The following TGFB1 variants were observed in gnomAD, a reference collection of about 807,000 sequenced individuals.
TGFB1 encodes the protein transforming growth factor beta-1 proprotein.
Under a neutral mutation model 43.8 loss-of-function variants are expected in TGFB1, and 19 were observed. That is an observed-to-expected ratio of 0.43 (90% CI 0.30 to 0.64). The LOEUF (loss-of-function observed/expected upper bound fraction) is 0.64. Ranked by LOEUF, TGFB1 falls within the 30% of genes least tolerant of loss-of-function variation. TGFB1 has a pLI of 0.11. For missense variants in TGFB1, 445 were observed against 529.8 expected, an observed-to-expected ratio of 0.84 and a Z score of 1.57; for synonymous variants, 221 against 236.3, an observed-to-expected ratio of 0.94 and a Z score of 0.60.
At chr19:41,333,316 G>A (rs902450790) in intron 5 of TGFB1, among the ~76,000 whole-genome samples, 1 of 145,660 alleles carries the variant, frequency 6.9e-6, no homozygotes, top group Admixed American at 7.1e-5. Context: ...AGGTTCAAGC[G>A]ATTCTCCTGC....
intron 1 of TGFB1, among the ~76,000 whole-genome samples, chr19:41,350,657 G>A (rs889293404): frequency 2.6e-5 from 4 of 152,198 alleles, no homozygotes; most frequent in African/African-American, 9.7e-5. Flanking sequence ...TGAGGGAACA[G>A]GCCATGAACT....
intron 5 of TGFB1, among the ~76,000 whole-genome samples, chr19:41,337,186 G>A (rs566234390): frequency 2.1e-4 from 32 of 152,096 alleles, no homozygotes; most frequent in African/African-American, 7.2e-4. Flanking sequence ...TTGTTGCCCA[G>A]GCTGGAGTGC....
intron 5 of TGFB1, among the ~76,000 whole-genome samples, chr19:41,333,003 C>T (rs577010016): frequency 1.1e-3 from 164 of 152,026 alleles, no homozygotes; most frequent in Non-Finnish European, 2.0e-3. Flanking sequence ...AAGTCCTCAC[C>T]GTGAGCCACA....
Position 41,332,229 on chromosome 19 carries a change from C to T in TGFB1, c.913G>A (p.Asp305Asn). Residue 305 changes from aspartate (D) to asparagine (N), a missense_variant, in exon 6 of 7, where the codon GAC (aspartate) becomes AAC (asparagine). Asp to Asn is a conservative substitution (Grantham distance 23). Transcript: ENST00000221930. ...TCGTGGATCCACTTCCAGCCGAGGT[C>T]CTTGCGGAAGTCAATGTACAGCTGC... ...VRQLYIDFRK[D>N]LGWKWIHEPK... 1.2e-6 allele frequency: 2 copies of T among 1,614,168 alleles called. No individual in the cohort carries two copies. Among genetic ancestry groups the T allele is most frequent in the Non-Finnish European group, 1.7e-6 (2 of 1,180,022 alleles).
intron 5 of TGFB1, among the ~76,000 whole-genome samples, chr19:41,339,805 C>T (rs1317974704): frequency 6.6e-6 from 1 of 152,098 alleles, no homozygotes; most frequent in Admixed American, 6.6e-5. Flanking sequence ...GCCTGGGCAA[C>T]AGAGCGAGAC....
At chr19:41,332,769 T>A (rs2037947661) in intron 5 of TGFB1, among the ~76,000 whole-genome samples, 1 of 152,152 alleles carries the variant, frequency 6.6e-6, no homozygotes, top group Non-Finnish European at 1.5e-5. Flanking sequence ...TTTGGGAGGA[T>A]GAAGTGGGAG....
At chr19:41,338,215 C>T (rs1314266585) in intron 5 of TGFB1, among the ~76,000 whole-genome samples, 1 of 149,890 alleles carries the variant, frequency 6.7e-6, no homozygotes, top group Non-Finnish European at 1.5e-5. Flanking sequence ...AAGAATACGG[C>T]CGGGTGCGTG....
At chr19:41,344,637 C>A (rs1364853983) in intron 3 of TGFB1, 110 bp downstream of exon 3, 1 of 1,008,094 alleles carries the variant, frequency 9.9e-7, no homozygotes, top group Non-Finnish European at 1.6e-6. Context: ...GGTCTCAGCA[C>A]TTTCACACCA....
intron 3 of TGFB1, 77 bp downstream of exon 3, chr19:41,344,670 A>T: frequency 1.5e-6 from 2 of 1,370,534 alleles, no homozygotes; most frequent in Non-Finnish European, 2.1e-6. Flanking sequence ...GAGGGGTCCT[A>T]GGCAAAGTGA....
chr19:41,344,747 C>T lies in TGFB1; in HGVS notation c.634G>A (p.Gly212Arg), dbSNP rs200611791. The T allele has an allele frequency of 1.9e-6, 3 of 1,613,750 alleles. No individual in the cohort carries two copies. Among genetic ancestry groups the T allele is most frequent in the East Asian group, 2.2e-5 (1 of 44,884 alleles). The change falls in exon 3 of 7, where the codon GGG (glycine) becomes AGG (arginine). Residue 212 changes from glycine to arginine, a missense_variant and splice_region_variant. By Grantham distance (125) the Gly-to-Arg change is moderately radical. Coordinates refer to ENST00000221930, the MANE Select transcript of TGFB1 (RefSeq NM_000660.7). Reference protein sequence around the residue: ...GVVRQWLSRGGEIEGFRLSAH... With the variant: ...GVVRQWLSRGREIEGFRLSAH... The stretch of plus-strand genomic sequence containing the variant: ...GGTGGGACACACAAGTAATCCTCAC[C>T]TCCACGGCTCAACCACTGCCGCACA...
At chr19:41,331,796 C>G (rs1294693002) in intron 6 of TGFB1, among the ~76,000 whole-genome samples, 1 of 151,606 alleles carries the variant, frequency 6.6e-6, no homozygotes, top group Non-Finnish European at 1.5e-5. Flanking sequence ...CTTGGCCTAA[C>G]TCTGTGTCTG....
At chr19:41,342,426 C>T (rs1364618091) in intron 3 of TGFB1, among the ~76,000 whole-genome samples, 179 bp from the exon 4 acceptor site, 4 of 144,670 alleles carry the variant, frequency 2.8e-5, no homozygotes, top group African/African-American at 5.1e-5. Context: ...GACAAGGTCT[C>T]GCAGCCTCAA....
Position 41,339,669 on chromosome 19 carries a change from C to T in TGFB1, c.860+2214G>A, listed in dbSNP as rs11466341. Reference sequence around the variant, plus strand: ...GAAACCCAGTGTCTACTAAAAAAACCAAAAATTAGCCGGGTGTGGTGGCAC... The same window carrying T: ...GAAACCCAGTGTCTACTAAAAAAACTAAAAATTAGCCGGGTGTGGTGGCAC... On this transcript the variant is annotated intron_variant, in intron 5 of 6. Transcript: ENST00000221930. Among the ~76,000 whole-genome samples, 5 of 151,664 alleles carry T rather than the reference C, an allele frequency of 3.3e-5. 1 individual carries two copies. Among genetic ancestry groups the T allele is most frequent in the Admixed American group, 6.6e-5 (1 of 15,198 alleles).
At chr19:41,346,168 T>C (rs1243027820) in intron 2 of TGFB1, among the ~76,000 whole-genome samples, 1 of 151,884 alleles carries the variant, frequency 6.6e-6, no homozygotes, top group East Asian at 1.9e-4. Flanking sequence ...CTGACCAATA[T>C]GGAGAAACAC....
At chr19:41,331,278 A>T in intron 6 of TGFB1, 68 bp from the exon 7 acceptor site, 2 of 1,429,364 alleles carry the variant, frequency 1.4e-6, no homozygotes, top group Non-Finnish European at 1.8e-6. Flanking sequence ...CCACTGCCCC[A>T]TCCCCCACCC....
Position 41,352,152 on chromosome 19 carries a change from A to G in TGFB1, c.355+538T>C, listed in dbSNP as rs569038759. ...CCGCGTGTTCCTGGCAGCCTCTGGAAGTGGGTCCGCTCTCACTTTCCTGGC... is the reference window on the plus strand; with the variant it reads ...CCGCGTGTTCCTGGCAGCCTCTGGAGGTGGGTCCGCTCTCACTTTCCTGGC... On this transcript the variant is annotated intron_variant, in intron 1 of 6. Transcript: ENST00000221930. Among the ~76,000 whole-genome samples the G allele has an allele frequency of 6.6e-5, 10 of 151,612 alleles. No individual in the cohort carries two copies. In the East Asian group the frequency reaches 2.0e-3, roughly 30 times the overall value.
At chr19:41,348,161 A>T in intron 2 of TGFB1, 134 bp downstream of exon 2, 4 of 967,860 alleles carry the variant, frequency 4.1e-6, no homozygotes, top group Admixed American at 1.8e-5. Flanking sequence ...CTAGGATTGT[A>T]TGGTTTGTGT....
rs1038400154 is a variant in TGFB1, at chr19:41,341,933, A to G, written c.810T>C (p.His270=). ...LMATPLERAQ[H]LQSSRHRRAL... is the part of the protein sequence containing the mutation. ...CTCGGCGGTGCCGGGAGCTTTGCAG[A>G]TGCTGGGCCCTCTCCAGCGGGGTGG... Residue 270 remains histidine (H), a synonymous_variant, in exon 5 of 7, where the codon CAT becomes CAC. Transcript: ENST00000221930. 5 of 1,614,000 alleles carry G rather than the reference A, an allele frequency of 3.1e-6. No individual in the cohort carries two copies. The African/African-American group carries it at 5.3e-5, about 17-fold the overall frequency.
At chr19:41,341,249 G>A (rs531822175) in intron 5 of TGFB1, among the ~76,000 whole-genome samples, 20 of 151,752 alleles carry the variant, frequency 1.3e-4, no homozygotes, top group South Asian at 1.0e-3. Context: ...GGTGTATCAC[G>A]AGGTCAGGAG....
Sources: gnomAD v4.1 joint callset for allele counts (sites outside exome capture counted in the v4.1 genomes callset) on GRCh38, gnomAD v4.1.1 for gene constraint, MANE v1.5 for transcripts, NCBI Gene and HGNC (gene_info 2026-07-23, HGNC 2026-07-21) for gene names.